The following NPR2 variants were observed in gnomAD, a reference collection of about 807,000 sequenced individuals.
The protein encoded by NPR2 is atrial natriuretic peptide receptor 2.
In NPR2, 49 loss-of-function variants were observed where a neutral mutation model predicts 120.7. The observed-to-expected ratio is 0.41, with a 90% confidence interval of 0.32 to 0.52. The LOEUF (loss-of-function observed/expected upper bound fraction) is 0.52, where lower values mean the gene tolerates loss of function less well. Among genes scored for constraint, NPR2 ranks in the 20% least tolerant of loss-of-function variants. NPR2 has a pLI of 0.36. For synonymous variants in NPR2, 484 were observed against 519.8 expected (o/e 0.93, Z 0.94); for missense variants, 931 against 1,362.9 (o/e 0.68, Z 4.99).
Position 35,801,137 on chromosome 9 carries a change from C to CA in NPR2, c.1420dup (p.Ser474LysfsTer16). 6.2e-7 allele frequency: 1 copy of CA among 1,613,896 alleles called. No individual in the cohort carries two copies. Among genetic ancestry groups the CA allele is most frequent in the South Asian group, 1.1e-5 (1 of 91,084 alleles). On this transcript the variant is annotated frameshift_variant, in exon 7 of 22. Coordinates refer to ENST00000342694, the MANE Select transcript of NPR2 (RefSeq NM_003995.4). LOFTEE classifies it high-confidence loss of function. Reference sequence around the variant, plus strand: ...TCACCTTCATCATGTTTGGTGTTTCCAGCTTCCTAATTTTCCGGTGAGTTC... The same window carrying CA: ...TCACCTTCATCATGTTTGGTGTTTCCAAGCTTCCTAATTTTCCGGTGAGTTC...
rs1828104965 is a variant in NPR2 at position 35,800,385 on chromosome 9, T to G, written c.1124-4T>G. The G allele has an allele frequency of 6.2e-7, 1 of 1,612,882 alleles. No homozygotes were observed. Among genetic ancestry groups the G allele is most frequent in the Admixed American group, 1.7e-5 (1 of 59,994 alleles). ...CAAAGAAAGGACACTCTTTTCTGTC[T>G]TAGGTGTAACTGGGCTGGTTGTCAT... On this transcript the variant is annotated splice_region_variant and splice_polypyrimidine_tract_variant and intron_variant, in intron 4 of 21. Transcript: ENST00000342694. This position sits in a 1 kb window ranked among gnomAD's most constrained non-coding sequence, Gnocchi z 4.7.
At position 35,806,485 on chromosome 9, in the gene NPR2, C is replaced by T; in HGVS notation, c.2466C>T (p.Ala822=). The T allele has an allele frequency of 6.2e-7, 1 of 1,614,172 alleles. No individual in the cohort carries two copies. The highest frequency in any genetic ancestry group is 8.5e-7 in the Non-Finnish European group (1 of 1,180,004). The change falls in exon 16 of 22, where the codon GCC becomes GCT. Residue 822 remains alanine (A), a synonymous_variant. Transcript: ENST00000342694. The surrounding 1 kb of genome is among the most constrained non-coding windows in gnomAD (Gnocchi z 4.6). ...AGCTGGTGGAGGAACGCACACAGGC[C>T]TATCTGGAGGAAAAACGCAAGGCTG... The part of the protein sequence containing the change: ...LEKLVEERTQ[A]YLEEKRKAEA...
In NPR2 at chr9:35,808,454, T is replaced by C; in HGVS notation, c.2713-55T>C. On this transcript the variant is annotated intron_variant, in intron 18 of 21. Coordinates refer to ENST00000342694, the MANE Select transcript of NPR2 (RefSeq NM_003995.4). The surrounding 1 kb of genome is among the most constrained non-coding windows in gnomAD (Gnocchi z 4.0). ...TGTCAAGCTTGTCTCCCTCTACTTT[T>C]TCCCATCCCCATGGATATAAATAGA... 6.3e-7 allele frequency: 1 copy of C among 1,582,952 alleles called. No homozygotes were observed. The highest frequency in any genetic ancestry group is 8.7e-7 in the Non-Finnish European group (1 of 1,152,512).
At chr9:35,804,850 G>A (rs55854597) in intron 12 of NPR2, among the ~76,000 whole-genome samples, 27 of 68,264 alleles carry the variant, frequency 4.0e-4, no homozygotes, top group Non-Finnish European at 6.1e-4. Flanking sequence ...CCTCTACCCC[G>A]ACCTGCCCAC....
chr9:35,802,633 G>A lies in NPR2; in HGVS notation c.1815+26G>A, dbSNP rs1313472050. ...GTGAGGGATAGGTGTAGGAGATTAT[G>A]GCAGGGGTGGGAAGGATAGACCCAA... On this transcript the variant is annotated intron_variant, in intron 11 of 21. Coordinates refer to ENST00000342694, the MANE Select transcript of NPR2 (RefSeq NM_003995.4). The surrounding 1 kb of genome is among the most constrained non-coding windows in gnomAD (Gnocchi z 4.2). 3.3e-6 allele frequency: 5 copies of A among 1,494,774 alleles called. No homozygotes were observed. In the African/African-American group the frequency reaches 4.1e-5, roughly 12 times the overall value. The allele number at this position is 1,494,774 out of a possible 1,614,324, so 92.6% of individuals were successfully genotyped here.
At position 35,801,078 on chromosome 9, in the gene NPR2, T is replaced by C; in HGVS notation, c.1360T>C (p.Ser454Pro). 6.2e-7 allele frequency: 1 copy of C among 1,613,896 alleles called. No homozygotes were observed. The highest frequency in any genetic ancestry group is 1.1e-5 in the South Asian group (1 of 91,082). Residue 454 changes from serine to proline, a missense_variant, in exon 7 of 22, where the codon TCA becomes CCA. Coordinates refer to ENST00000342694, the MANE Select transcript of NPR2 (RefSeq NM_003995.4). The stretch of plus-strand genomic sequence containing the variant: ...CTCTATTTCCCCTTCAGCTCCACTT[T>C]CAACCCTGGCAATTGTGGCTCTGGG... ...DDPSCDKTPL[S>P]TLAIVALGTG...
chr9:35,800,375 C>CTT lies in NPR2; in HGVS notation c.1124-11_1124-10dup, dbSNP rs754738101. On this transcript the variant is annotated splice_polypyrimidine_tract_variant and intron_variant, in intron 4 of 21. Transcript: ENST00000342694. The surrounding 1 kb of genome is among the most constrained non-coding windows in gnomAD (Gnocchi z 4.7). The stretch of plus-strand genomic sequence containing the variant: ...GGGTAGACCTCAAAGAAAGGACACT[C>CTT]TTTTCTGTCTTAGGTGTAACTGGGC... The CTT allele has an allele frequency of 1.9e-6, 3 of 1,610,950 alleles. No individual in the cohort carries two copies. In the African/African-American group the frequency reaches 4.0e-5, roughly 22 times the overall value.
Position 35,800,549 on chromosome 9 carries a change from G to A in NPR2, c.1218+66G>A, listed in dbSNP as rs147895121. The A allele has an allele frequency of 3.2e-5, 50 of 1,562,272 alleles. No homozygotes were observed. The African/African-American group carries it at 4.5e-4, about 14-fold the overall frequency. On this transcript the variant is annotated intron_variant, in intron 5 of 21. Coordinates refer to ENST00000342694, the MANE Select transcript of NPR2 (RefSeq NM_003995.4). The surrounding 1 kb of genome is among the most constrained non-coding windows in gnomAD (Gnocchi z 4.7). ...AAATCCAGCTTTCAAGGGTTCAGTCGGGGCAGAACCAAAACTACTAGATGA... is the reference window on the plus strand; with the variant it reads ...AAATCCAGCTTTCAAGGGTTCAGTCAGGGCAGAACCAAAACTACTAGATGA...
In NPR2 at chr9:35,802,824, A is replaced by T; in HGVS notation, c.1887+21A>T. On this transcript the variant is annotated intron_variant, in intron 12 of 21. Transcript: ENST00000342694. This position sits in a 1 kb window ranked among gnomAD's most constrained non-coding sequence, Gnocchi z 4.2. ...TTAAGGTGAGTCTTCCCCACTCCTT[A>T]AAAGTTCATCCACTTTAAATCACTT... 6.6e-7 allele frequency: 1 copy of T among 1,509,876 alleles called. No homozygotes were observed. The highest frequency in any genetic ancestry group is 1.4e-5 in the African/African-American group (1 of 72,820). The allele number at this position is 1,509,876 out of a possible 1,614,324, so 93.5% of individuals were successfully genotyped here.
At chr9:35,797,638 C>T (rs1396183159) in intron 2 of NPR2, among the ~76,000 whole-genome samples, 1 of 152,148 alleles carries the variant, frequency 6.6e-6, no homozygotes, top group Non-Finnish European at 1.5e-5. Context: ...CTTGTTTTTT[C>T]CACCTGGGGT....
chr9:35,802,549 G>A lies in NPR2; in HGVS notation c.1757G>A (p.Cys586Tyr). The change falls in exon 11 of 22, where the codon TGC (cysteine) becomes TAC (tyrosine). Residue 586 changes from cysteine (C) to tyrosine (Y), a missense_variant. Transcript: ENST00000342694. This position sits in a 1 kb window ranked among gnomAD's most constrained non-coding sequence, Gnocchi z 4.2. ...FNHLTRFIGA[C>Y]IDPPNICIVT... The stretch of plus-strand genomic sequence containing the variant: ...CATCTCACTCGCTTCATTGGCGCCT[G>A]CATAGACCCTCCCAACATTTGCATT... 1 of 1,610,146 alleles carries A rather than the reference G, an allele frequency of 6.2e-7. No individual in the cohort carries two copies. The highest frequency in any genetic ancestry group is 8.5e-7 in the Non-Finnish European group (1 of 1,176,360).
chr9:35,793,248 G>T (rs921590113), intron 1 of NPR2, among the ~76,000 whole-genome samples, 173 bp downstream of exon 1: 2 of 152,186 alleles, frequency 1.3e-5, no homozygotes, highest in Non-Finnish European at 2.9e-5. Context: ...CTTCATCATG[G>T]GAGCTTGTGA....
Position 35,800,790 on chromosome 9 carries a change from T to A in NPR2, c.1300T>A (p.Ser434Thr). 6.2e-7 allele frequency: 1 copy of A among 1,614,144 alleles called. No homozygotes were observed. Among genetic ancestry groups the A allele is most frequent in the Non-Finnish European group, 8.5e-7 (1 of 1,180,006 alleles). ...TCCCTGGGTGAAGGGGGCTCCTCCC[T>A]CGGACAATCCCCCCTGTGCCTTTGA... ...PIPWVKGAPP[S>T]DNPPCAFDLD... The change falls in exon 6 of 22, where the codon TCG becomes ACG. Residue 434 changes from serine (S) to threonine (T), a missense_variant. By Grantham distance (58) the Ser-to-Thr change is moderately conservative. This residue lies in a region of NPR2 where 681 missense variants were observed against 974.3 expected (regional missense o/e 0.70). Coordinates refer to ENST00000342694, the MANE Select transcript of NPR2 (RefSeq NM_003995.4). The surrounding 1 kb of genome is among the most constrained non-coding windows in gnomAD (Gnocchi z 4.7).
chr9:35,807,532 C>A, intron 18 of NPR2, 134 bp downstream of exon 18: 1 of 771,728 alleles, frequency 1.3e-6, no homozygotes, highest in Non-Finnish European at 2.3e-6. Flanking sequence ...CATCCTGGTG[C>A]TGGAGTGTAC....
chr9:35,807,893 G>A (rs1034039291), intron 18 of NPR2, among the ~76,000 whole-genome samples: 1 of 152,164 alleles, frequency 6.6e-6, no homozygotes, highest in African/African-American at 2.4e-5. Context: ...GAATCTCCCT[G>A]AGCCTCAGTT....
chr9:35,793,758 G>A, intron 1 of NPR2, 140 bp from the exon 2 acceptor site: 1 of 810,006 alleles, frequency 1.2e-6, no homozygotes, highest in South Asian at 1.4e-5. Context: ...GGTGGGCTGG[G>A]GAGCATCTGC....
Position 35,796,154 on chromosome 9 carries a change from C to A in NPR2, c.873+2051C>A, listed in dbSNP as rs1370079188. Reference sequence around the variant, plus strand: ...GGTGTGGACTGCAGAAGATCTGTGACCCTCTCAGATGGGAGCACTCCATAA... The same window carrying A: ...GGTGTGGACTGCAGAAGATCTGTGAACCTCTCAGATGGGAGCACTCCATAA... On this transcript the variant is annotated intron_variant, in intron 2 of 21. Transcript: ENST00000342694. Among the ~76,000 whole-genome samples, 3 of 152,154 alleles carry A rather than the reference C, an allele frequency of 2.0e-5. No homozygotes were observed. The East Asian group carries it at 5.8e-4, about 29-fold the overall frequency.
At chr9:35,801,442 T>C (rs1036294102) in intron 7 of NPR2, among the ~76,000 whole-genome samples, 1 of 152,242 alleles carries the variant, frequency 6.6e-6, no homozygotes, top group Non-Finnish European at 1.5e-5. Flanking sequence ...GAAAGAACTT[T>C]CACCCCCAGT....
In NPR2 at chr9:35,792,945, T is replaced by G. The variant is rs778175354; in HGVS notation, c.537T>G (p.Pro179=). 1 of 1,614,042 alleles carries G rather than the reference T, an allele frequency of 6.2e-7. No individual in the cohort carries two copies. The change falls in exon 1 of 22, where the codon CCT becomes CCG. Residue 179 remains proline (P), a synonymous_variant. Transcript: ENST00000342694. ...TGGATGCTCGCACAGATGACCGGCC[T>G]CACTACTTCACCATCGAGGGCGTCT... ...LYLDARTDDR[P]HYFTIEGVFE...
Sources: allele counts gnomAD v4.1 joint callset (sites outside exome capture counted in the v4.1 genomes callset), GRCh38; gene constraint gnomAD v4.1.1; regional missense constraint gnomAD v4.1.1; non-coding constraint Gnocchi (gnomAD v3.1); transcripts MANE v1.5; gene names NCBI Gene and HGNC (gene_info 2026-07-23, HGNC 2026-07-21).